The following CC2D1A variants were observed in gnomAD, a reference collection of about 807,000 sequenced individuals.
The protein encoded by CC2D1A is coiled-coil and C2 domain-containing protein 1A.
Under a neutral mutation model 123.8 loss-of-function variants are expected in CC2D1A, and 68 were observed. The ratio of observed to expected loss-of-function variants is 0.55; its 90% CI spans 0.45 to 0.67. CC2D1A has a LOEUF of 0.67. CC2D1A is among the 30% of genes least tolerant of loss of function. The pLI, the probability that CC2D1A is intolerant of heterozygous loss-of-function variation, is 0.00. For synonymous variants in CC2D1A, 477 were observed against 528.0 expected, an observed-to-expected ratio of 0.90 and a Z score of 1.32; for missense variants, 1,185 against 1,290.3, an observed-to-expected ratio of 0.92 and a Z score of 1.25.
At chr19:13,927,797 CA>C (rs61144434) in intron 22 of CC2D1A, 95 bp from the exon 23 acceptor site, 9,819 of 962,396 alleles carry the variant, frequency 0.01, no homozygotes, top group Non-Finnish European at 0.012. Flanking sequence ...AAAAAAAAAC[CA>C]AAAAAAAAAA....
intron 11 of CC2D1A, 195 bp from the exon 12 acceptor site, chr19:13,919,623 A>G (rs572911092): frequency 6.7e-6 from 3 of 445,380 alleles, no homozygotes; most frequent in African/African-American, 2.1e-5. Context: ...CTGCAGTCCC[A>G]CTCTAGATCA....
chr19:13,920,984 G>A, intron 14 of CC2D1A, 62 bp downstream of exon 14: 1 of 1,474,906 alleles, frequency 6.8e-7, no homozygotes. Context: ...CTGCCCCTTA[G>A]CAGCCACGTG....
In CC2D1A at chr19:13,929,625, C is replaced by T; in HGVS notation, c.2675C>T (p.Ala892Val). Reference sequence around the variant, plus strand: ...ATGCAACGCAGCCAGTGGCAGAGGGCACAGCTGGAGCAGGGGGGTGTGGGC... The same window carrying T: ...ATGCAACGCAGCCAGTGGCAGAGGGTACAGCTGGAGCAGGGGGGTGTGGGC... The part of the protein sequence containing the change: ...DIMQRSQWQR[A>V]QLEQGGVGIR... The change falls in exon 26 of 29, where the codon GCA (alanine) becomes GTA (valine). Residue 892 changes from alanine to valine, a missense_variant. By Grantham distance (64) the Ala-to-Val change is moderately conservative. Coordinates refer to ENST00000318003, the MANE Select transcript of CC2D1A (RefSeq NM_017721.5). The T allele has an allele frequency of 6.3e-7, 1 of 1,577,006 alleles. No individual in the cohort carries two copies. The highest frequency in any genetic ancestry group is 8.6e-7 in the Non-Finnish European group (1 of 1,165,362).
chr19:13,923,642 C>G lies in CC2D1A; in HGVS notation c.1823+36C>G. 6.2e-7 allele frequency: 1 copy of G among 1,613,686 alleles called. No homozygotes were observed. Among genetic ancestry groups the G allele is most frequent in the Non-Finnish European group, 8.5e-7 (1 of 1,179,524 alleles). Reference sequence around the variant, plus strand: ...TGACCTGTGCCAGACACTTGCACCCCCAGCCACCCATCCCCAGGGCCAGGG... The same window carrying G: ...TGACCTGTGCCAGACACTTGCACCCGCAGCCACCCATCCCCAGGGCCAGGG... On this transcript the variant is annotated intron_variant, in intron 16 of 28. Coordinates refer to ENST00000318003, the MANE Select transcript of CC2D1A (RefSeq NM_017721.5). This position sits in a 1 kb window ranked among gnomAD's most constrained non-coding sequence, Gnocchi z 5.3.
intron 22 of CC2D1A, chr19:13,927,516 T>A (rs375179099): frequency 3.8e-6 from 2 of 519,604 alleles, no homozygotes; most frequent in Non-Finnish European, 7.0e-6. Flanking sequence ...TGGTGGCTCA[T>A]GCCTGTAATC....
At chr19:13,926,753 C>CTGCA (rs1235449173) in intron 19 of CC2D1A, 28 bp downstream of exon 19, 1 of 1,614,102 alleles carries the variant, frequency 6.2e-7, no homozygotes, top group African/African-American at 1.3e-5. Context: ...GAGGGGAGGG[C>CTGCA]TGCAGCCTCA....
intron 24 of CC2D1A, among the ~76,000 whole-genome samples, chr19:13,929,132 T>C (rs1446263181): frequency 1.3e-5 from 2 of 151,588 alleles, no homozygotes; most frequent in African/African-American, 4.9e-5. Flanking sequence ...GCCTCCCAAG[T>C]AGCTGGGACT....
chr19:13,909,235 G>A (rs2145293698), intron 1 of CC2D1A, among the ~76,000 whole-genome samples: 1 of 152,184 alleles, frequency 6.6e-6, no homozygotes, highest in Non-Finnish European at 1.5e-5. Context: ...AATTAGCCGG[G>A]CGTGGTGGCG....
Position 13,930,131 on chromosome 19 carries a change from C to T in CC2D1A, c.2764C>T (p.Arg922Cys), listed in dbSNP as rs199893133. 532 of 1,612,576 alleles carry T rather than the reference C, an allele frequency of 3.3e-4. 2 individuals carry two copies. Among genetic ancestry groups the T allele is most frequent in the Non-Finnish European group, 4.2e-4 (491 of 1,179,544 alleles). ...QLQFYTEAARRLGNDGSRDAA... is the reference protein window; with the variant it reads ...QLQFYTEAARCLGNDGSRDAA... ...GCAGTTCTACACGGAGGCTGCCCGG[C>T]GCCTGGGCAACGATGGCAGCAGGGT... is the stretch of plus-strand genomic sequence containing the variant. The change falls in exon 27 of 29, where the codon CGC (arginine) becomes TGC (cysteine). Residue 922 changes from arginine to cysteine, a missense_variant. Physicochemically the swap from Arg to Cys is radical, Grantham distance 180. Transcript: ENST00000318003. The surrounding 1 kb of genome is among the most constrained non-coding windows in gnomAD (Gnocchi z 6.8).
chr19:13,925,630 T>C (rs1971565224), intron 17 of CC2D1A, among the ~76,000 whole-genome samples: 1 of 150,830 alleles, frequency 6.6e-6, no homozygotes, highest in Admixed American at 6.6e-5. Context: ...ACTAGGACAC[T>C]AGCTGGTGCT....
chr19:13,918,214 C>G lies in CC2D1A; in HGVS notation c.873+20C>G. 6.5e-7 allele frequency: 1 copy of G among 1,547,402 alleles called. No homozygotes were observed. On this transcript the variant is annotated intron_variant, in intron 7 of 28. Transcript: ENST00000318003. The stretch of plus-strand genomic sequence containing the variant: ...GCTAAGGTGCGTCCAGCCTGACGGA[C>G]AGGACTGGAGGGATGGGGCAGGATG...
rs1224808544 is a variant in CC2D1A at position 13,906,639 on chromosome 19, G to C, written c.60+138G>C. 3 of 543,958 alleles carry C rather than the reference G, an allele frequency of 5.5e-6. No homozygotes were observed. In the East Asian group the frequency reaches 1.1e-4, roughly 19 times the overall value. The allele number at this position is 543,958 out of a possible 1,614,324, so 33.7% of individuals were successfully genotyped here. A position where few individuals can be genotyped will look rare whatever the true frequency, so the allele number is the denominator to read the frequency against. On this transcript the variant is annotated intron_variant, in intron 1 of 28. Transcript: ENST00000318003. The surrounding 1 kb of genome is among the most constrained non-coding windows in gnomAD (Gnocchi z 4.1). ...CGGTCCCCGCCTCCCCCCAGGTGAG[G>C]CTCCAACACCACCCAAGTGTGGCCT...
chr19:13,924,967 T>C (rs1971541806), intron 17 of CC2D1A, among the ~76,000 whole-genome samples: 1 of 152,102 alleles, frequency 6.6e-6, no homozygotes, highest in South Asian at 2.1e-4. Context: ...AAACAAAGTG[T>C]GTTCCTACCC....
At chr19:13,922,224 A>C (rs184062364) in intron 14 of CC2D1A, among the ~76,000 whole-genome samples, 3 of 151,412 alleles carry the variant, frequency 2.0e-5, no homozygotes, top group African/African-American at 7.3e-5. Context: ...CTGGGCTTGA[A>C]CTCCTGACCT....
intron 7 of CC2D1A, 108 bp from the exon 8 acceptor site, chr19:13,918,392 TGGAA>T (rs1426244263): frequency 8.4e-7 from 1 of 1,188,272 alleles, no homozygotes; most frequent in East Asian, 2.6e-5. Context: ...ATGGCACAAA[TGGAA>T]GGGAGGGAGC....
intron 17 of CC2D1A, among the ~76,000 whole-genome samples, chr19:13,925,421 A>G (rs1469393479): frequency 6.6e-6 from 1 of 152,148 alleles, no homozygotes; most frequent in African/African-American, 2.4e-5. Flanking sequence ...TCTACTAAAA[A>G]TACACAAAAT....
At chr19:13,907,284 T>A (rs1276187392) in intron 1 of CC2D1A, among the ~76,000 whole-genome samples, 2 of 151,844 alleles carry the variant, frequency 1.3e-5, no homozygotes, top group East Asian at 3.9e-4. Flanking sequence ...TGGTGGCATG[T>A]GCCTGTAGTA....
At chr19:13,910,753 A>G (rs1280025739) in intron 2 of CC2D1A, among the ~76,000 whole-genome samples, 1 of 152,148 alleles carries the variant, frequency 6.6e-6, no homozygotes, top group African/African-American at 2.4e-5. Flanking sequence ...TTTACTAAAA[A>G]TACAAAAATT....
At chr19:13,916,864 T>A (rs1459875230) in intron 6 of CC2D1A, among the ~76,000 whole-genome samples, 2 of 152,194 alleles carry the variant, frequency 1.3e-5, no homozygotes, top group South Asian at 4.1e-4. Context: ...GTCTTTATTG[T>A]ACTGTGTTAT....
Sources: allele counts gnomAD v4.1 joint callset (sites outside exome capture counted in the v4.1 genomes callset), GRCh38; gene constraint gnomAD v4.1.1; non-coding constraint Gnocchi (gnomAD v3.1); transcripts MANE v1.5; gene names NCBI Gene and HGNC (gene_info 2026-07-23, HGNC 2026-07-21).